The following SVIL variants were observed in gnomAD, a reference collection of about 807,000 sequenced individuals.
The protein encoded by SVIL is archvillin.
SVIL carries 101 observed loss-of-function variants against 240.4 expected under a neutral mutation model. The ratio of observed to expected loss-of-function variants is 0.42; its 90% CI spans 0.36 to 0.50. The LOEUF (loss-of-function observed/expected upper bound fraction) is 0.50. SVIL is among the 20% of genes least tolerant of loss of function. SVIL has a pLI of 0.01. For synonymous variants in SVIL, 999 were observed against 1,100.0 expected, an observed-to-expected ratio of 0.91 and a Z score of 1.82; for missense variants, 2,512 against 2,818.7, an observed-to-expected ratio of 0.89 and a Z score of 2.46.
chr10:29,675,839 G>C (rs1773502345), intron 2 of SVIL, among the ~76,000 whole-genome samples: 1 of 152,162 alleles, frequency 6.6e-6, no homozygotes, highest in Admixed American at 6.5e-5. Flanking sequence ...CCATAGAACT[G>C]ATGTTTATGG....
intron 6 of SVIL, among the ~76,000 whole-genome samples, chr10:29,539,019 G>T (rs1210098809): frequency 2.0e-5 from 3 of 151,974 alleles, no homozygotes; most frequent in Non-Finnish European, 4.4e-5. Context: ...TAAAAAGTTA[G>T]TGAAGCATGG....
intron 1 of SVIL, among the ~76,000 whole-genome samples, chr10:29,710,327 G>A (rs1280380874): frequency 6.6e-6 from 1 of 152,190 alleles, no homozygotes; most frequent in Non-Finnish European, 1.5e-5. Context: ...AAAGTGTCGG[G>A]ATTATAGGCG....
At chr10:29,561,882 C>A (rs1954510280) in intron 3 of SVIL, among the ~76,000 whole-genome samples, 1 of 152,176 alleles carries the variant, frequency 6.6e-6, no homozygotes, top group South Asian at 2.1e-4. Context: ...TTCCGGCTGA[C>A]AGCGTTGTCA....
At chr10:29,734,339 C>T (rs1964777144) in intron 1 of SVIL, among the ~76,000 whole-genome samples, 1 of 152,180 alleles carries the variant, frequency 6.6e-6, no homozygotes, top group Non-Finnish European at 1.5e-5. Flanking sequence ...CAAACCTGAA[C>T]CCCGGGGTAC....
chr10:29,492,786 T>G (rs1280065411), intron 21 of SVIL, among the ~76,000 whole-genome samples: 1 of 152,236 alleles, frequency 6.6e-6, no homozygotes, highest in Non-Finnish European at 1.5e-5. Flanking sequence ...ATTTTCTAGT[T>G]AGCTGTATTA....
At chr10:29,637,244 G>GGAT (rs1958340573), upstream of SVIL, among the ~76,000 whole-genome samples, 1 of 152,172 alleles carries the variant, frequency 6.6e-6, no homozygotes, top group African/African-American at 2.4e-5. Flanking sequence ...CAGCACTTTG[G>GGAT]TAGGCCGAGG....
chr10:29,510,193 A>G (rs563230622), intron 17 of SVIL, among the ~76,000 whole-genome samples: 1 of 152,368 alleles, frequency 6.6e-6, no homozygotes, highest in African/African-American at 2.4e-5. Flanking sequence ...GCTTGGCTCC[A>G]AAGTAAATCT....
At position 29,458,584 on chromosome 10, in the gene SVIL, C is replaced by T. The variant is rs1383455684; in HGVS notation, c.6408G>A (p.Thr2136=). The change falls in exon 37 of 38, where the codon ACG becomes ACA. Residue 2136 remains threonine (T), a synonymous_variant. Transcript: ENST00000355867. ...EDIAEITEMD[T]EVSNQITLVE... is the part of the protein sequence containing the mutation. ...CGAGGGTGATCTGATTGGAAACTTC[C>T]GTGTCCTAGAGAAGAGGAGGGGGCA... 12 of 1,612,306 alleles carry T rather than the reference C, an allele frequency of 7.4e-6. No individual in the cohort carries two copies. The highest frequency in any genetic ancestry group is 1.1e-5 in the South Asian group (1 of 90,782).
chr10:29,511,588 A>G (rs886319448), intron 17 of SVIL, among the ~76,000 whole-genome samples: 3 of 152,242 alleles, frequency 2.0e-5, no homozygotes, highest in Admixed American at 1.3e-4. Context: ...TCAGGATCAC[A>G]TTTTTGAAAT....
At position 29,472,631 on chromosome 10, in the gene SVIL, GC is replaced by G. The variant is rs1190209829; in HGVS notation, c.5529+1206del. ...ATCTGAATGTTAAAGAGACAGGTTT[GC>G]AAGCCTTGGATCTGGGCAGCAGTCC... On this transcript the variant is annotated intron_variant, in intron 30 of 37. Coordinates refer to ENST00000355867, the MANE Select transcript of SVIL (RefSeq NM_021738.3). 1.3e-5 allele frequency among the ~76,000 whole-genome samples: 2 copies of G among 152,238 alleles called. 1 individual carries two copies. The highest frequency in any genetic ancestry group is 4.8e-5 in the African/African-American group (2 of 41,462).
At chr10:29,724,352 T>C (rs1430400457) in intron 1 of SVIL, among the ~76,000 whole-genome samples, 4 of 140,904 alleles carry the variant, frequency 2.8e-5, no homozygotes, top group African/African-American at 1.1e-4. Context: ...TTTTCATTCT[T>C]TTTTTATGAG....
rs774414406 is a variant in SVIL, at chr10:29,562,489, G to A, written c.-51+712C>T. On this transcript the variant is annotated intron_variant, in intron 3 of 37. Transcript: ENST00000355867. ...AAATGTAAAAGCCCTGGCTGGGCGC[G>A]GTGGCTCACGCCTGTAATCGCAGCA... Among the ~76,000 whole-genome samples, 3 of 152,216 alleles carry A rather than the reference G, an allele frequency of 2.0e-5. No individual in the cohort carries two copies. In the East Asian group the frequency reaches 5.8e-4, roughly 29 times the overall value.
Position 29,612,046 on chromosome 10 carries a change from G to C in SVIL, c.-201+22374C>G, listed in dbSNP as rs3847391. On this transcript the variant is annotated intron_variant, in intron 1 of 37. Coordinates refer to ENST00000355867, the MANE Select transcript of SVIL (RefSeq NM_021738.3). ...TCCAGAAATATTCTGCCTGCCCTAG[G>C]GGGTAGCTCAGATGTTGGCAGGACT... Among the ~76,000 whole-genome samples the C allele has an allele frequency of 5.6e-4, 85 of 152,198 alleles. No individual in the cohort carries two copies. The South Asian group carries it at 9.1e-3, about 16-fold the overall frequency.
At chr10:29,467,622 G>T in intron 33 of SVIL, 120 bp downstream of exon 33, 7 of 1,324,572 alleles carry the variant, frequency 5.3e-6, no homozygotes, top group Non-Finnish European at 7.2e-6. Flanking sequence ...GAGCCCAGGA[G>T]GTTGAAGCTG....
At chr10:29,499,913 G>A (rs114104373) in intron 17 of SVIL, among the ~76,000 whole-genome samples, 2,562 of 152,276 alleles carry the variant, frequency 0.017, 68 homozygotes, top group African/African-American at 0.057. Context: ...CTACATGCAC[G>A]GTAACATTTC....
chr10:29,700,468 C>CTTTTTTT (rs71281545), intron 1 of SVIL, among the ~76,000 whole-genome samples: 22 of 113,100 alleles, frequency 1.9e-4, no homozygotes, highest in East Asian at 2.8e-4. Context: ...TTACTATTTC[C>CTTTTTTT]TTTTTTTTTT....
rs9299622 is a variant in SVIL, at chr10:29,651,618, TTCTCTCTC to T, written c.-201+6343_-201+6350del. Among the ~76,000 whole-genome samples, 76 of 135,430 alleles carry T rather than the reference TTCTCTCTC, an allele frequency of 5.6e-4. 1 individual carries two copies. The highest frequency in any genetic ancestry group is 1.9e-3 in the African/African-American group (67 of 36,026). 88.8% of individuals were successfully genotyped at this position (135,430 alleles called of 152,430 possible). On this transcript the variant is annotated intron_variant, in intron 3 of 35. Coordinates refer to the SVIL transcript ENST00000375400. ...TCTACCTCATCCTGTGCCACATGCA[TTCTCTCTC>T]TCTCTCTCTCTCTCTCTCTCTCTGT...
intron 2 of SVIL, among the ~76,000 whole-genome samples, chr10:29,563,662 G>A (rs1954708689): frequency 9.0e-6 from 1 of 110,938 alleles, no homozygotes; most frequent in African/African-American, 3.4e-5. Flanking sequence ...TTCTTCTTCA[G>A]AAAATCAGTA....
In SVIL at chr10:29,505,651, G is replaced by A. The variant is rs187104793; in HGVS notation, c.3517-6388C>T. ...ACCGAAAGAATGGACCACACCAAAAGTAAATTTTAACGTAATCTATTAACT... is the reference window on the plus strand; with the variant it reads ...ACCGAAAGAATGGACCACACCAAAAATAAATTTTAACGTAATCTATTAACT... On this transcript the variant is annotated intron_variant, in intron 17 of 37. Coordinates refer to ENST00000355867, the MANE Select transcript of SVIL (RefSeq NM_021738.3). 1.2e-3 allele frequency among the ~76,000 whole-genome samples: 182 copies of A among 152,254 alleles called. 1 individual carries two copies. The highest frequency in any genetic ancestry group is 4.3e-3 in the African/African-American group (177 of 41,538).
Sources: allele counts gnomAD v4.1 joint callset (sites outside exome capture counted in the v4.1 genomes callset), GRCh38; gene constraint gnomAD v4.1.1; transcripts MANE v1.5; gene names NCBI Gene and HGNC (gene_info 2026-07-23, HGNC 2026-07-21).